The following GALNT14 variants were observed in gnomAD, a reference collection of about 807,000 sequenced individuals.
The protein encoded by GALNT14 is polypeptide N-acetylgalactosaminyltransferase 14, also known as UDP-GalNAc:polypeptide N-acetylgalactosaminyltransferase 14.
GALNT14 carries 60 observed loss-of-function variants against 77.5 expected under a neutral mutation model. That is an observed-to-expected ratio of 0.77 (90% CI 0.63 to 0.96). GALNT14 has a LOEUF of 0.96. GALNT14 is among the 40% of genes least tolerant of loss of function. The pLI, the probability that GALNT14 is intolerant of heterozygous loss-of-function variation, is 0.00. For synonymous variants in GALNT14, 280 were observed against 281.7 expected, an observed-to-expected ratio of 0.99 and a Z score of 0.06; for missense variants, 710 against 731.0, an observed-to-expected ratio of 0.97 and a Z score of 0.33.
At chr2:30,993,053 C>T in intron 1 of GALNT14, 46 bp from the exon 2 acceptor site, 1 of 1,593,606 alleles carries the variant, frequency 6.3e-7, no homozygotes, top group Non-Finnish European at 8.6e-7. Flanking sequence ...TCCCTGTCCT[C>T]CACTAGCCCC....
At chr2:31,042,311 A>G (rs1267630520) in intron 1 of GALNT14, among the ~76,000 whole-genome samples, 1 of 152,236 alleles carries the variant, frequency 6.6e-6, no homozygotes, top group East Asian at 1.9e-4. Context: ...TAAGTAAAGC[A>G]TATCTATGTA....
At chr2:31,082,440 A>C (rs1246231075) in intron 1 of GALNT14, among the ~76,000 whole-genome samples, 1 of 152,240 alleles carries the variant, frequency 6.6e-6, no homozygotes, top group African/African-American at 2.4e-5. Flanking sequence ...TCACAGATGG[A>C]GCTGAAAGCC....
At chr2:31,053,123 G>C (rs913289178) in intron 1 of GALNT14, among the ~76,000 whole-genome samples, 7 of 152,126 alleles carry the variant, frequency 4.6e-5, no homozygotes, top group Non-Finnish European at 7.4e-5. Flanking sequence ...TTGCCCCCAA[G>C]CCCTAGTCTT....
chr2:31,068,942 A>G (rs1319244689), intron 1 of GALNT14, among the ~76,000 whole-genome samples: 1 of 152,216 alleles, frequency 6.6e-6, no homozygotes, highest in Non-Finnish European at 1.5e-5. Context: ...AAATGTCCAG[A>G]ATAGGCAAAT....
chr2:31,082,760 C>A (rs1310765920), intron 1 of GALNT14, among the ~76,000 whole-genome samples: 1 of 152,122 alleles, frequency 6.6e-6, no homozygotes, highest in Non-Finnish European at 1.5e-5. Flanking sequence ...TGGCTCACAC[C>A]TATAATCCCA....
intron 1 of GALNT14, among the ~76,000 whole-genome samples, chr2:31,125,516 G>A (rs1314308789): frequency 1.3e-5 from 2 of 152,332 alleles, no homozygotes; most frequent in Admixed American, 6.5e-5. Flanking sequence ...CACTTTAATT[G>A]TGGCTCAATG....
chr2:30,906,939 C>A (rs565594969), downstream of GALNT14, among the ~76,000 whole-genome samples: 1 of 152,200 alleles, frequency 6.6e-6, no homozygotes, highest in African/African-American at 2.4e-5. Context: ...GGAAACTGAA[C>A]AACCTGCTCC....
At chr2:30,942,371 C>T in intron 8 of GALNT14, 67 bp from the exon 9 acceptor site, 4 of 1,227,286 alleles carry the variant, frequency 3.3e-6, no homozygotes, top group Non-Finnish European at 4.7e-6. Context: ...AATTCTTCGG[C>T]CCCTTGAGTC....
downstream of GALNT14, among the ~76,000 whole-genome samples, chr2:30,910,244 C>T (rs1664279893): frequency 6.6e-6 from 1 of 151,976 alleles, no homozygotes. Context: ...GATCTGGTCC[C>T]ACTCTCCTAA....
chr2:30,947,585 G>A (rs552979388), intron 6 of GALNT14, among the ~76,000 whole-genome samples: 2 of 152,142 alleles, frequency 1.3e-5, no homozygotes, highest in Non-Finnish European at 2.9e-5. Context: ...GAAACTTTTG[G>A]ACAGCTAAAT....
intron 1 of GALNT14, among the ~76,000 whole-genome samples, chr2:31,036,380 A>G (rs751060549): frequency 6.6e-6 from 1 of 152,226 alleles, no homozygotes; most frequent in African/African-American, 2.4e-5. Flanking sequence ...TAATGTCAAC[A>G]GTATACAAAA....
chr2:31,136,320 C>T (rs116253915), intron 1 of GALNT14, among the ~76,000 whole-genome samples: 79 of 152,342 alleles, frequency 5.2e-4, no homozygotes, highest in African/African-American at 1.9e-3. Context: ...ACTCACACAA[C>T]GTGCTGTGTC....
intron 3 of GALNT14, among the ~76,000 whole-genome samples, chr2:30,963,520 A>C (rs1667816784): frequency 6.6e-6 from 1 of 152,212 alleles, no homozygotes; most frequent in African/African-American, 2.4e-5. Flanking sequence ...ACAGCAGCTA[A>C]GGTACCCTCG....
At chr2:30,926,310 A>G (rs1465306669) in intron 11 of GALNT14, among the ~76,000 whole-genome samples, 2 of 152,188 alleles carry the variant, frequency 1.3e-5, no homozygotes, top group Admixed American at 6.5e-5. Flanking sequence ...GAGGGATTCA[A>G]GGTTGACACC....
chr2:31,048,540 G>A (rs1403918708), intron 1 of GALNT14, among the ~76,000 whole-genome samples: 2 of 151,974 alleles, frequency 1.3e-5, no homozygotes, highest in African/African-American at 4.8e-5. Flanking sequence ...ATTCTTGGGA[G>A]CAAAAATAAG....
rs571130520 is a variant in GALNT14 at position 31,119,982 on chromosome 2, C to T, written c.129+17976G>A. ...CCATCCTGGCTAACAAGGTGAAACC[C>T]CGTCTCTACTAAAAATACAAAAAAT... On this transcript the variant is annotated intron_variant, in intron 1 of 14. Coordinates refer to ENST00000349752, the MANE Select transcript of GALNT14 (RefSeq NM_024572.4). 2.1e-4 allele frequency among the ~76,000 whole-genome samples: 20 copies of T among 96,470 alleles called. 5 individuals are homozygous for T. Among genetic ancestry groups the T allele is most frequent in the Non-Finnish European group, 4.5e-4 (17 of 37,930 alleles). 63.3% of individuals were successfully genotyped at this position (96,470 alleles called of 152,430 possible). A position where few individuals can be genotyped will look rare whatever the true frequency, so the allele number is the denominator to read the frequency against.
intron 1 of GALNT14, among the ~76,000 whole-genome samples, chr2:30,997,544 C>CCA (rs1308256328): frequency 1.3e-5 from 2 of 152,188 alleles, no homozygotes; most frequent in African/African-American, 4.8e-5. Context: ...AGAACTGGGC[C>CCA]CACTCCTGTG....
intron 1 of GALNT14, among the ~76,000 whole-genome samples, chr2:31,050,200 C>T (rs772761972): frequency 1.3e-5 from 2 of 152,192 alleles, no homozygotes; most frequent in Admixed American, 6.5e-5. Context: ...AGGCCTCTCG[C>T]TAAACCTGAA....
At position 30,958,299 on chromosome 2, in the gene GALNT14, C is replaced by T. The variant is rs1667485075; in HGVS notation, c.466+98G>A. 2.9e-6 allele frequency: 3 copies of T among 1,038,884 alleles called. No homozygotes were observed. In the Admixed American group the frequency reaches 5.8e-5, roughly 20 times the overall value. The allele number at this position is 1,038,884 out of a possible 1,614,324, so 64.4% of individuals were successfully genotyped here. On this transcript the variant is annotated intron_variant, in intron 4 of 14. Coordinates refer to ENST00000349752, the MANE Select transcript of GALNT14 (RefSeq NM_024572.4). ...GTACCTATTACAAACCTGGGCTTTTCCCCATTCCCAGAAAACCAGTGGACT... is the reference window on the plus strand; with the variant it reads ...GTACCTATTACAAACCTGGGCTTTTTCCCATTCCCAGAAAACCAGTGGACT...
Sources: gnomAD v4.1 joint callset for allele counts (sites outside exome capture counted in the v4.1 genomes callset) on GRCh38, gnomAD v4.1.1 for gene constraint, MANE v1.5 for transcripts, NCBI Gene and HGNC (gene_info 2026-07-23, HGNC 2026-07-21) for gene names.